Variants in FMNL2 observed in about 807,000 individuals in gnomAD.
FMNL2 encodes the protein formin-like protein 2.
In FMNL2, 51 loss-of-function variants were observed where a neutral mutation model predicts 130.2. The observed-to-expected ratio is 0.39, with a 90% confidence interval of 0.31 to 0.49. The LOEUF is 0.49. Ranked by LOEUF, FMNL2 falls within the 20% of genes least tolerant of loss-of-function variation. The pLI is 0.85. For synonymous variants in FMNL2, 465 were observed against 467.1 expected (o/e 1.00, Z 0.06); for missense variants, 977 against 1,316.2 (o/e 0.74, Z 3.99).
chr2:152,519,680 C>T (rs1692970858), intron 1 of FMNL2, among the ~76,000 whole-genome samples: 1 of 152,156 alleles, frequency 6.6e-6, no homozygotes, highest in African/African-American at 2.4e-5. Context: ...AGCAAGTTAA[C>T]CAAATTCTCC....
chr2:152,586,840 A>G (rs1392962157), intron 9 of FMNL2, among the ~76,000 whole-genome samples: 1 of 152,030 alleles, frequency 6.6e-6, no homozygotes, highest in Middle Eastern at 3.2e-3. Context: ...TTTGCTGTGG[A>G]TACGAAAGTA....
chr2:152,633,465 G>A (rs1240836094), intron 21 of FMNL2, among the ~76,000 whole-genome samples: 10 of 152,094 alleles, frequency 6.6e-5, no homozygotes, highest in African/African-American at 2.2e-4. Flanking sequence ...CCTGAAAATT[G>A]GATGTTGGAA....
intron 1 of FMNL2, among the ~76,000 whole-genome samples, chr2:152,388,237 C>A (rs963979572): frequency 6.6e-6 from 1 of 152,110 alleles, no homozygotes; most frequent in East Asian, 1.9e-4. Flanking sequence ...GAAGTGTTAT[C>A]TTTACCATTG....
chr2:152,635,388 T>A (rs962566029), intron 21 of FMNL2, among the ~76,000 whole-genome samples: 4 of 152,222 alleles, frequency 2.6e-5, no homozygotes, highest in Non-Finnish European at 5.9e-5. Context: ...CGAGTTGTCT[T>A]CACTGCTTTA....
At position 152,521,996 on chromosome 2, in the gene FMNL2, T is replaced by A; in HGVS notation, c.171T>A (p.Asn57Lys). 1 of 1,609,152 alleles carries A rather than the reference T, an allele frequency of 6.2e-7. No individual in the cohort carries two copies. Among genetic ancestry groups the A allele is most frequent in the Non-Finnish European group, 8.5e-7 (1 of 1,178,236 alleles). The change falls in exon 2 of 26, where the codon AAT (asparagine) becomes AAA (lysine). Residue 57 changes from asparagine to lysine, a missense_variant. Around this residue, in one of 4 missense-constraint regions of FMNL2, gnomAD observed 117 missense variants for 134.9 expected, o/e 0.87. Coordinates refer to ENST00000288670, the MANE Select transcript of FMNL2 (RefSeq NM_052905.4). ...DKARLLRQYD[N>K]EKKWELICDQ... is the part of the protein sequence containing the mutation. ...CCAGGTTACTGCGGCAGTATGATAA[T>A]GAGAAAAAATGGGAACTGATTTGTG... is the stretch of plus-strand genomic sequence containing the variant.
At chr2:152,336,988 T>C (rs1681507384) in intron 1 of FMNL2, among the ~76,000 whole-genome samples, 1 of 152,186 alleles carries the variant, frequency 6.6e-6, no homozygotes, top group Admixed American at 6.5e-5. Flanking sequence ...GACGTTCAAA[T>C]TGCCTGCCTT....
At chr2:152,610,177 T>G (rs6734194) in intron 10 of FMNL2, among the ~76,000 whole-genome samples, 80,787 of 152,012 alleles carry the variant, frequency 0.53, 21,926 homozygotes, top group East Asian at 0.75. Context: ...TGGTTACCTT[T>G]TGGTGAGATT....
chr2:152,576,121 A>G (rs1026124326), intron 7 of FMNL2, among the ~76,000 whole-genome samples: 1 of 152,114 alleles, frequency 6.6e-6, no homozygotes, highest in Admixed American at 6.5e-5. Flanking sequence ...ATTAATATGG[A>G]TGCTACAGTG....
chr2:152,514,926 A>C lies in FMNL2; in HGVS notation c.118-7017A>C, dbSNP rs533637788. On this transcript the variant is annotated intron_variant, in intron 1 of 25. Coordinates refer to ENST00000288670, the MANE Select transcript of FMNL2 (RefSeq NM_052905.4). ...TAATTTTGCCCAAACTCTATGATGC[A>C]GGTAGTAACATTACCACCATCCTCA... Among the ~76,000 whole-genome samples, 7 of 152,290 alleles carry C rather than the reference A, an allele frequency of 4.6e-5. No individual in the cohort carries two copies. In the South Asian group the frequency reaches 1.4e-3, roughly 32 times the overall value.
chr2:152,583,399 T>C (rs1182353388), intron 9 of FMNL2, among the ~76,000 whole-genome samples: 2 of 151,948 alleles, frequency 1.3e-5, no homozygotes, highest in Non-Finnish European at 2.9e-5. Context: ...AGTTAGAAAA[T>C]AGTGAAAGTG....
chr2:152,392,020 C>A (rs1344612038), intron 1 of FMNL2, among the ~76,000 whole-genome samples: 1 of 151,452 alleles, frequency 6.6e-6, no homozygotes, highest in Admixed American at 6.6e-5. Context: ...GATTGCCACC[C>A]TCCTTGCTAT....
chr2:152,375,725 T>G (rs1684115784), intron 1 of FMNL2, among the ~76,000 whole-genome samples: 1 of 151,966 alleles, frequency 6.6e-6, no homozygotes, highest in Non-Finnish European at 1.5e-5. Flanking sequence ...GCTTTCTCAT[T>G]TGGAATACAA....
intron 15 of FMNL2, 25 bp downstream of exon 15, chr2:152,619,743 G>A: frequency 6.3e-7 from 1 of 1,597,436 alleles, no homozygotes; most frequent in Non-Finnish European, 8.5e-7. Context: ...TTCAAACCCA[G>A]GTACTCATAT....
At chr2:152,626,026 A>G (rs1248128364) in intron 16 of FMNL2, among the ~76,000 whole-genome samples, 2 of 151,438 alleles carry the variant, frequency 1.3e-5, no homozygotes, top group Non-Finnish European at 2.9e-5. Flanking sequence ...ATTTTATTTT[A>G]TTTTTAAATT....
intron 1 of FMNL2, among the ~76,000 whole-genome samples, chr2:152,375,850 G>GCGCT (rs1553871974): frequency 6.0e-5 from 6 of 100,602 alleles, no homozygotes; most frequent in Non-Finnish European, 9.4e-5. Flanking sequence ...AGCCATTGAA[G>GCGCT]CTCTCTCTCT....
chr2:152,479,044 CATATAAA>C (rs1430793344), intron 1 of FMNL2, among the ~76,000 whole-genome samples: 2 of 152,174 alleles, frequency 1.3e-5, no homozygotes, highest in African/African-American at 2.4e-5. Flanking sequence ...TTTAGTTACA[CATATAAA>C]ATATGAGATA....
intron 1 of FMNL2, among the ~76,000 whole-genome samples, chr2:152,362,044 A>G (rs889630678): frequency 1.3e-5 from 2 of 152,206 alleles, no homozygotes; most frequent in Non-Finnish European, 2.9e-5. Context: ...ATGCCCAGCT[A>G]TAAGCACTGT....
intron 2 of FMNL2, among the ~76,000 whole-genome samples, chr2:152,532,900 G>A (rs950675769): frequency 6.6e-6 from 1 of 152,086 alleles, no homozygotes; most frequent in African/African-American, 2.4e-5. Context: ...GAGCCACTGC[G>A]CCTGGCCTCT....
chr2:152,396,497 A>G (rs1179300614), intron 1 of FMNL2, among the ~76,000 whole-genome samples: 1 of 152,170 alleles, frequency 6.6e-6, no homozygotes, highest in African/African-American at 2.4e-5. Flanking sequence ...CTGGTAGTTC[A>G]TTTCTACTTC....
Sources: allele counts gnomAD v4.1 joint callset (sites outside exome capture counted in the v4.1 genomes callset), GRCh38; gene constraint gnomAD v4.1.1; regional missense constraint gnomAD v4.1.1; transcripts MANE v1.5; gene names NCBI Gene and HGNC (gene_info 2026-07-23, HGNC 2026-07-21).